NBEA: variants seen among roughly 807,000 people sequenced by gnomAD.
The protein encoded by NBEA is lysosomal-trafficking regulator 2.
In NBEA, 44 loss-of-function variants were observed where a neutral mutation model predicts 343.4. The ratio of observed to expected loss-of-function variants is 0.13; its 90% CI spans 0.10 to 0.16. NBEA has a LOEUF of 0.16. Ranked by LOEUF, NBEA falls within the 10% of genes least tolerant of loss-of-function variation. The pLI, the probability that NBEA is intolerant of heterozygous loss-of-function variation, is 1.00. For missense variants in NBEA, 2,555 were observed against 3,631.3 expected, an observed-to-expected ratio of 0.70 and a Z score of 7.62; for synonymous variants, 1,175 against 1,238.7, an observed-to-expected ratio of 0.95 and a Z score of 1.08.
At chr13:35,126,865 C>CT (rs2067160415) in intron 17 of NBEA, among the ~76,000 whole-genome samples, 1 of 149,748 alleles carries the variant, frequency 6.7e-6, no homozygotes, top group East Asian at 2.0e-4. Flanking sequence ...TTGCAATGAG[C>CT]TGAGACCGTG....
In NBEA at chr13:35,583,942, G is replaced by T; in HGVS notation, c.7080G>T (p.Glu2360Asp). The T allele has an allele frequency of 6.2e-7, 1 of 1,613,596 alleles. No homozygotes were observed. Among genetic ancestry groups the T allele is most frequent in the Non-Finnish European group, 8.5e-7 (1 of 1,179,696 alleles). The change falls in exon 46 of 59, where the codon GAG becomes GAT. Residue 2360 changes from glutamate to aspartate, a missense_variant. Glu to Asp is a conservative substitution (Grantham distance 45). This residue lies in a region of NBEA where 156 missense variants were observed against 185.8 expected (regional missense o/e 0.84). Coordinates refer to ENST00000379939, the MANE Select transcript of NBEA (RefSeq NM_001385012.1). The part of the protein sequence containing the change: ...LNPKRAVFYA[E>D]RYETWEDDQS... The stretch of plus-strand genomic sequence containing the variant: ...CCAAGAGAGCTGTGTTTTATGCAGA[G>T]CGTTATGAGACATGGGAAGATGATC...
At chr13:35,443,835 C>T (rs1345526175) in intron 39 of NBEA, among the ~76,000 whole-genome samples, 1 of 151,720 alleles carries the variant, frequency 6.6e-6, no homozygotes, top group Non-Finnish European at 1.5e-5. Flanking sequence ...TATTGAAAGA[C>T]CTGTTTTCTT....
rs1251076181 is a variant in NBEA, at chr13:35,158,765, C to A, written c.2845-251C>A. ...AAATACTTAGCCTAAAAGAAAATAG[C>A]TTTTAATATTGCTGAGTTATCTGTG... On this transcript the variant is annotated intron_variant, in intron 21 of 58. Transcript: ENST00000379939. 2.0e-5 allele frequency among the ~76,000 whole-genome samples: 3 copies of A among 152,104 alleles called. No homozygotes were observed. In the East Asian group the frequency reaches 5.8e-4, roughly 29 times the overall value.
chr13:35,121,015 A>G (rs1424129113), intron 16 of NBEA, among the ~76,000 whole-genome samples: 1 of 151,988 alleles, frequency 6.6e-6, no homozygotes, highest in Non-Finnish European at 1.5e-5. Flanking sequence ...TTTTCCTGCT[A>G]CTCGAAGTTA....
intron 39 of NBEA, among the ~76,000 whole-genome samples, chr13:35,444,805 A>T (rs546693719): frequency 6.6e-6 from 1 of 152,264 alleles, no homozygotes; most frequent in African/African-American, 2.4e-5. Flanking sequence ...CTGTATGCAA[A>T]ATCAGAAGTA....
At chr13:35,165,497 G>A (rs529769211) in intron 24 of NBEA, among the ~76,000 whole-genome samples, 7 of 152,232 alleles carry the variant, frequency 4.6e-5, no homozygotes, top group African/African-American at 1.7e-4. Flanking sequence ...AGGAAATGGA[G>A]CTAAGAAGAA....
intron 1 of NBEA, among the ~76,000 whole-genome samples, chr13:34,947,109 A>T (rs2059209177): frequency 6.6e-6 from 1 of 152,002 alleles, no homozygotes; most frequent in African/African-American, 2.4e-5. Context: ...AAGCCTTTTC[A>T]TATTAATTTG....
In NBEA at chr13:35,073,381, G is replaced by C. The variant is rs2063960956; in HGVS notation, c.1571+2529G>C. On this transcript the variant is annotated intron_variant, in intron 10 of 58. Transcript: ENST00000379939. The stretch of plus-strand genomic sequence containing the variant: ...TATACTCCTTTTTGGAAGTCTGATT[G>C]CATGGTAAATAGATGACTGAAAGTT... Among the ~76,000 whole-genome samples, 3 of 152,094 alleles carry C rather than the reference G, an allele frequency of 2.0e-5. No homozygotes were observed. In the South Asian group the frequency reaches 6.2e-4, roughly 32 times the overall value.
At chr13:35,570,863 GA>G (rs770390573) in intron 45 of NBEA, among the ~76,000 whole-genome samples, 39 of 152,064 alleles carry the variant, frequency 2.6e-4, no homozygotes, top group Non-Finnish European at 4.9e-4. Flanking sequence ...TAATTGGAAG[GA>G]AAAACTACTA....
chr13:35,163,011 A>G (rs914432322), intron 23 of NBEA, among the ~76,000 whole-genome samples: 5 of 152,164 alleles, frequency 3.3e-5, no homozygotes, highest in East Asian at 1.9e-4. Context: ...CCTAAATACC[A>G]TGAAATACAT....
At chr13:35,387,378 A>ATG (rs2042291486) in intron 38 of NBEA, among the ~76,000 whole-genome samples, 1 of 151,592 alleles carries the variant, frequency 6.6e-6, no homozygotes, top group Non-Finnish European at 1.5e-5. Context: ...TTGCGAATTG[A>ATG]TTTTTTTTCC....
chr13:35,535,851 A>G (rs534739263), intron 41 of NBEA, among the ~76,000 whole-genome samples: 2 of 152,336 alleles, frequency 1.3e-5, no homozygotes, highest in East Asian at 3.9e-4. Flanking sequence ...GTGCTAGTAA[A>G]GTACATACTT....
At chr13:35,421,347 T>G (rs1259255305) in intron 38 of NBEA, among the ~76,000 whole-genome samples, 1 of 152,086 alleles carries the variant, frequency 6.6e-6, no homozygotes, top group African/African-American at 2.4e-5. Context: ...TGTAGCTTTT[T>G]TAGTGTTTGC....
chr13:35,543,993 A>G (rs1161839307), intron 41 of NBEA, among the ~76,000 whole-genome samples: 2 of 152,102 alleles, frequency 1.3e-5, no homozygotes, highest in Non-Finnish European at 2.9e-5. Context: ...AGCATGGATG[A>G]TCTCATATGA....
At chr13:35,218,427 A>G (rs1373912179) in intron 33 of NBEA, among the ~76,000 whole-genome samples, 1 of 152,054 alleles carries the variant, frequency 6.6e-6, no homozygotes, top group Non-Finnish European at 1.5e-5. Flanking sequence ...ATGTATATAC[A>G]TAATTCTGTC....
At chr13:35,541,350 G>A (rs774173339) in intron 41 of NBEA, among the ~76,000 whole-genome samples, 13 of 151,806 alleles carry the variant, frequency 8.6e-5, no homozygotes, top group Admixed American at 5.9e-4. Context: ...TGCTTCTCCT[G>A]TTCACCATTG....
intron 33 of NBEA, among the ~76,000 whole-genome samples, chr13:35,224,858 G>A (rs1053496910): frequency 6.6e-6 from 1 of 152,074 alleles, no homozygotes; most frequent in African/African-American, 2.4e-5. Context: ...CCTGACAGTC[G>A]TATTTGTGCT....
intron 35 of NBEA, among the ~76,000 whole-genome samples, chr13:35,296,654 G>C (rs1178657935): frequency 1.3e-5 from 2 of 151,660 alleles, no homozygotes; most frequent in African/African-American, 4.8e-5. Flanking sequence ...CAGTATTTTG[G>C]TTTATTTTTC....
chr13:34,970,174 G>A (rs9572856), intron 1 of NBEA, among the ~76,000 whole-genome samples: 46,539 of 152,062 alleles, frequency 0.31, 7,989 homozygotes, highest in Middle Eastern at 0.51. Flanking sequence ...TCATATGATT[G>A]TTGGGCACAT....
Sources: gnomAD v4.1 joint callset for allele counts (sites outside exome capture counted in the v4.1 genomes callset) on GRCh38, gnomAD v4.1.1 for gene constraint, gnomAD v4.1.1 regional missense constraint, MANE v1.5 for transcripts, NCBI Gene and HGNC (gene_info 2026-07-23, HGNC 2026-07-21) for gene names.